Variants in HSF5 observed in about 807,000 individuals in gnomAD.
The protein encoded by HSF5 is heat shock transcription factor 5.
A neutral mutation model predicts 50.8 loss-of-function variants in HSF5; 5 were observed. That is an observed-to-expected ratio of 0.10 (90% CI 0.05 to 0.21). The LOEUF (loss-of-function observed/expected upper bound fraction) is 0.21. Ranked by LOEUF, HSF5 falls within the 10% of genes least tolerant of loss-of-function variation. HSF5 has a pLI of 1.00. For missense variants in HSF5, 564 were observed against 762.6 expected, an observed-to-expected ratio of 0.74 and a Z score of 3.07; for synonymous variants, 307 against 307.4, an observed-to-expected ratio of 1.00 and a Z score of 0.02.
intron 4 of HSF5, among the ~76,000 whole-genome samples, chr17:58,462,010 T>C (rs1974801830): frequency 6.6e-6 from 1 of 152,174 alleles, no homozygotes; most frequent in Non-Finnish European, 1.5e-5. Context: ...CACTAAGTAA[T>C]TTCTCATCTC....
chr17:58,465,516 T>G (rs771606152), intron 3 of HSF5, among the ~76,000 whole-genome samples: 2 of 151,980 alleles, frequency 1.3e-5, no homozygotes, highest in African/African-American at 4.8e-5. Context: ...TAGGATATCA[T>G]GCTTGATCAT....
In HSF5 at chr17:58,422,497, C is replaced by T; in HGVS notation, c.1721-67G>A. 4 of 1,225,894 alleles carry T rather than the reference C, an allele frequency of 3.3e-6. No individual in the cohort carries two copies. In the South Asian group the frequency reaches 5.3e-5, roughly 16 times the overall value. 75.9% of individuals were successfully genotyped at this position (1,225,894 alleles called of 1,614,324 possible). On this transcript the variant is annotated intron_variant, in intron 5 of 5. Transcript: ENST00000323777. Reference sequence around the variant, plus strand: ...AGAGTTCTATAGACAAGTTTTCAGACAAGCAGAACAAGTTGTCTATGTCTC... The same window carrying T: ...AGAGTTCTATAGACAAGTTTTCAGATAAGCAGAACAAGTTGTCTATGTCTC...
Position 58,458,780 on chromosome 17 carries a change from CTTG to C in HSF5, c.1705_1707del (p.Gln569del). On this transcript the variant is annotated inframe_deletion, in exon 5 of 6. Coordinates refer to ENST00000323777, the MANE Select transcript of HSF5 (RefSeq NM_001080439.3). Reference sequence around the variant, plus strand: ...CAATAATCCTTACCAGGGGACTTTCCTTGTTGTGAGTTGCTTCTGTGCTCTCTG... The same window carrying C: ...CAATAATCCTTACCAGGGGACTTTCCTTGTGAGTTGCTTCTGTGCTCTCTG... 1 of 1,611,314 alleles carries C rather than the reference CTTG, an allele frequency of 6.2e-7. No homozygotes were observed.
chr17:58,426,345 C>T (rs1234877453), intron 5 of HSF5, among the ~76,000 whole-genome samples: 3 of 152,148 alleles, frequency 2.0e-5, no homozygotes, highest in Admixed American at 6.6e-5. Context: ...CTAAGGAGTA[C>T]AGAAATCAAT....
chr17:58,464,764 C>A (rs1284917097), intron 3 of HSF5, among the ~76,000 whole-genome samples: 1 of 152,082 alleles, frequency 6.6e-6, no homozygotes, highest in Non-Finnish European at 1.5e-5. Flanking sequence ...TCCTGAGTAG[C>A]TGGGATTACA....
intron 1 of HSF5, among the ~76,000 whole-genome samples, chr17:58,483,085 C>T (rs969176826): frequency 1.4e-4 from 19 of 140,720 alleles, no homozygotes; most frequent in African/African-American, 4.9e-4. Flanking sequence ...TCCAAAATTA[C>T]CCATTCCCTG....
At chr17:58,451,410 C>A (rs1974639946) in intron 5 of HSF5, among the ~76,000 whole-genome samples, 1 of 152,152 alleles carries the variant, frequency 6.6e-6, no homozygotes, top group Admixed American at 6.5e-5. Context: ...ACATATGGAA[C>A]AATCTCCAGA....
intron 2 of HSF5, 134 bp downstream of exon 2, chr17:58,479,759 C>A (rs1975072807): frequency 2.7e-6 from 2 of 731,336 alleles, no homozygotes; most frequent in African/African-American, 1.8e-5. Flanking sequence ...GCTAAGAAAT[C>A]TTTGCCATTT....
In HSF5 at chr17:58,448,648, A is replaced by G. The variant is rs150464780; in HGVS notation, c.1720+10120T>C. 1.2e-3 allele frequency among the ~76,000 whole-genome samples: 183 copies of G among 152,342 alleles called. 1 individual carries two copies. The highest frequency in any genetic ancestry group is 4.2e-3 in the African/African-American group (174 of 41,576). ...CTGTACCTAGCAAAGCTATCCTTCA[A>G]ACATGAAGGAGAGATAAAGATTTTC... On this transcript the variant is annotated intron_variant, in intron 5 of 5. Coordinates refer to ENST00000323777, the MANE Select transcript of HSF5 (RefSeq NM_001080439.3).
chr17:58,454,530 G>A (rs750109264), intron 5 of HSF5, among the ~76,000 whole-genome samples: 4 of 152,168 alleles, frequency 2.6e-5, no homozygotes, highest in South Asian at 2.1e-4. Context: ...AAATTGGAAC[G>A]GAGAAAGTCT....
intron 5 of HSF5, among the ~76,000 whole-genome samples, chr17:58,434,848 G>A (rs1056686809): frequency 6.6e-6 from 1 of 152,146 alleles, no homozygotes; most frequent in South Asian, 2.1e-4. Context: ...GGAAGACTCT[G>A]CCTTAGGGGG....
intron 5 of HSF5, among the ~76,000 whole-genome samples, chr17:58,436,616 C>T (rs1974430454): frequency 6.6e-6 from 1 of 151,878 alleles, no homozygotes; most frequent in Admixed American, 6.6e-5. Flanking sequence ...ATAACCATAA[C>T]ATGTAGTGAA....
At position 58,463,080 on chromosome 17, in the gene HSF5, G is replaced by A. The variant is rs183411035; in HGVS notation, c.1244C>T (p.Ser415Phe). Residue 415 changes from serine (S) to phenylalanine (F), a missense_variant, in exon 4 of 6, where the codon TCT (serine) becomes TTT (phenylalanine). This residue lies in a region of HSF5 where 441 missense variants were observed against 533.6 expected (regional missense o/e 0.83). Coordinates refer to ENST00000323777, the MANE Select transcript of HSF5 (RefSeq NM_001080439.3). ...TGCAGAACATGGATTGCTGTTGTTA[G>A]AATTAGCTAAAATGTGTTGGCCTCT... ...SYRGQHILAN[S>F]NNSNPCSASQ... 1.2e-4 allele frequency: 196 copies of A among 1,614,202 alleles called. 1 individual carries two copies. The highest frequency in any genetic ancestry group is 1.0e-3 in the South Asian group (93 of 91,088).
chr17:58,476,241 A>ATCATCATCATCTTCTTCTCCTTCT (rs2143800169), intron 2 of HSF5: 1 of 905,752 alleles, frequency 1.1e-6, no homozygotes, highest in Admixed American at 1.8e-5. Context: ...CCTTCTCTTC[A>ATCATCATCATCTTCTTCTCCTTCT]TCATCATCAT....
At position 58,430,419 on chromosome 17, in the gene HSF5, T is replaced by G. The variant is rs545321130; in HGVS notation, c.1721-7989A>C. On this transcript the variant is annotated intron_variant, in intron 5 of 5. Coordinates refer to ENST00000323777, the MANE Select transcript of HSF5 (RefSeq NM_001080439.3). ...ATGTGTCTGTGTTTCTAGAGAAGAT[T>G]AGCATGTGAGTCTGAGTGGACTAGG... Among the ~76,000 whole-genome samples the G allele has an allele frequency of 1.2e-4, 18 of 152,290 alleles. No homozygotes were observed. The South Asian group carries it at 3.7e-3, about 32-fold the overall frequency.
At chr17:58,440,418 G>A (rs1974483945) in intron 5 of HSF5, among the ~76,000 whole-genome samples, 1 of 152,102 alleles carries the variant, frequency 6.6e-6, no homozygotes, top group South Asian at 2.1e-4. Context: ...GCTCTGAACT[G>A]GATTAAGGTG....
intron 2 of HSF5, among the ~76,000 whole-genome samples, chr17:58,470,544 G>A (rs1371393471): frequency 6.6e-6 from 1 of 152,188 alleles, no homozygotes. Context: ...TTTAATTTGG[G>A]TGATGAAAAG....
chr17:58,423,470 C>T (rs866142777), intron 5 of HSF5, among the ~76,000 whole-genome samples: 1 of 144,946 alleles, frequency 6.9e-6, no homozygotes, highest in East Asian at 2.0e-4. Flanking sequence ...TCTAGAGCAA[C>T]ATGACCAGGG....
At chr17:58,434,357 C>T (rs1426869134) in intron 5 of HSF5, among the ~76,000 whole-genome samples, 7 of 151,600 alleles carry the variant, frequency 4.6e-5, no homozygotes, top group Non-Finnish European at 4.4e-5. Flanking sequence ...GAGACCATCC[C>T]GGCCAACAAG....
Sources: allele counts gnomAD v4.1 joint callset (sites outside exome capture counted in the v4.1 genomes callset), GRCh38; gene constraint gnomAD v4.1.1; regional missense constraint gnomAD v4.1.1; transcripts MANE v1.5; gene names NCBI Gene and HGNC (gene_info 2026-07-23, HGNC 2026-07-21).